Variants in GRB10 observed in about 807,000 individuals in gnomAD.
GRB10 encodes the protein growth factor receptor bound protein 10.
Under a neutral mutation model 80.9 loss-of-function variants are expected in GRB10, and 20 were observed. That is an observed-to-expected ratio of 0.25 (90% CI 0.17 to 0.36). The LOEUF (loss-of-function observed/expected upper bound fraction) is 0.36, where lower values mean the gene tolerates loss of function less well. GRB10 is among the 10% of genes least tolerant of loss of function. The pLI is 1.00. For missense variants in GRB10, 548 were observed against 747.7 expected, an observed-to-expected ratio of 0.73 and a Z score of 3.12; for synonymous variants, 291 against 291.5, an observed-to-expected ratio of 1.00 and a Z score of 0.02.
intron 16 of GRB10, 38 bp downstream of exon 16, chr7:50,604,273 T>C: frequency 1.3e-6 from 2 of 1,562,028 alleles, no homozygotes; most frequent in East Asian, 4.5e-5. Flanking sequence ...TTTGATTTTC[T>C]TTATGTACAA....
chr7:50,652,628 TG>T (rs2058133038), intron 7 of GRB10, among the ~76,000 whole-genome samples: 1 of 151,718 alleles, frequency 6.6e-6, no homozygotes, highest in Non-Finnish European at 1.5e-5. Flanking sequence ...CATTCCAGAG[TG>T]GGAGGAGAAG....
At chr7:50,732,403 G>T (rs999770531) in intron 3 of GRB10, 35 bp from the exon 4 acceptor site, 14 of 914,842 alleles carry the variant, frequency 1.5e-5, no homozygotes, top group Non-Finnish European at 1.8e-5. Flanking sequence ...AGCCAAGCCA[G>T]AAAAAAAAAA....
At chr7:50,668,632 C>T (rs2060052372) in intron 7 of GRB10, among the ~76,000 whole-genome samples, 2 of 152,334 alleles carry the variant, frequency 1.3e-5, no homozygotes, top group Admixed American at 1.3e-4. Flanking sequence ...ATATCCACCA[C>T]TTACGACAAG....
At chr7:50,697,052 T>C (rs757021013) in intron 5 of GRB10, among the ~76,000 whole-genome samples, 3 of 152,232 alleles carry the variant, frequency 2.0e-5, no homozygotes, top group Non-Finnish European at 4.4e-5. Context: ...CGAAGCCAGT[T>C]ACAAAAGGAC....
chr7:50,628,052 G>C (rs1372351409), intron 7 of GRB10, among the ~76,000 whole-genome samples: 5 of 152,188 alleles, frequency 3.3e-5, no homozygotes, highest in African/African-American at 1.2e-4. Flanking sequence ...CCCGGACTTG[G>C]GGGTGAGGAC....
chr7:50,710,691 C>A (rs979967866), intron 4 of GRB10, among the ~76,000 whole-genome samples: 4 of 152,160 alleles, frequency 2.6e-5, no homozygotes, highest in African/African-American at 9.7e-5. Context: ...GATCCCAGGC[C>A]CCCACATGCT....
chr7:50,606,556 G>T, intron 13 of GRB10, 142 bp from the exon 14 acceptor site: 2 of 709,896 alleles, frequency 2.8e-6, no homozygotes, highest in East Asian at 2.7e-5. Context: ...CCTGAGTGCC[G>T]CTGACCCTGA....
intron 5 of GRB10, among the ~76,000 whole-genome samples, chr7:50,689,321 A>C (rs928641382): frequency 6.6e-6 from 1 of 152,242 alleles, no homozygotes; most frequent in Admixed American, 6.5e-5. Context: ...ATTATTTTTC[A>C]GTGCATTTAA....
At chr7:50,677,562 G>C (rs1393679449) in intron 5 of GRB10, among the ~76,000 whole-genome samples, 3 of 152,204 alleles carry the variant, frequency 2.0e-5, no homozygotes, top group Non-Finnish European at 4.4e-5. Flanking sequence ...AGTTATAGTG[G>C]AGACCACGAA....
Position 50,674,464 on chromosome 7 carries a change from A to T in GRB10, c.334T>A (p.Ser112Thr), listed in dbSNP as rs1268628121. Residue 112 changes from serine (S) to threonine (T), a missense_variant, in exon 6 of 19, where the codon TCC becomes ACC. Physicochemically the swap from Ser to Thr is moderately conservative, Grantham distance 58. Around this residue, in one of 4 missense-constraint regions of GRB10, gnomAD observed 245 missense variants for 229.3 expected, o/e 1.07. Coordinates refer to ENST00000401949, the MANE Select transcript of GRB10 (RefSeq NM_001350814.2). The part of the protein sequence containing the change: ...QVSPRQRVQR[S>T]QPVHILAVRR... ...ACAGCGAGGATGTGCACAGGCTGGG[A>T]GCGCTGCACCCTCTGCCTCGGGGAC... The T allele has an allele frequency of 1.2e-6, 2 of 1,606,634 alleles. No homozygotes were observed. Among genetic ancestry groups the T allele is most frequent in the Non-Finnish European group, 1.7e-6 (2 of 1,179,986 alleles).
intron 7 of GRB10, among the ~76,000 whole-genome samples, chr7:50,659,595 C>G (rs1475469703): frequency 4.7e-5 from 3 of 64,178 alleles, no homozygotes; most frequent in African/African-American, 1.8e-4. Flanking sequence ...AGCTAAGCAG[C>G]TGTGCAATAG....
At chr7:50,773,025 T>C (rs1016298097) in intron 2 of GRB10, among the ~76,000 whole-genome samples, 2 of 152,176 alleles carry the variant, frequency 1.3e-5, no homozygotes, top group Non-Finnish European at 2.9e-5. Flanking sequence ...AGAAGTTTAA[T>C]GGACTCATAT....
rs777553621 is a variant in GRB10, at chr7:50,775,161, C to CAAAAAAAAAAAAAAAAAAAAAAAAAAAA, written c.-217+5465_-217+5466insTTTTTTTTTTTTTTTTTTTTTTTTTTTT. 4.8e-4 allele frequency among the ~76,000 whole-genome samples: 15 copies of CAAAAAAAAAAAAAAAAAAAAAAAAAAAA among 31,006 alleles called. 3 individuals are homozygous for CAAAAAAAAAAAAAAAAAAAAAAAAAAAA. The highest frequency in any genetic ancestry group is 9.7e-4 in the Non-Finnish European group (15 of 15,436). 20.3% of individuals were successfully genotyped at this position (31,006 alleles called of 152,430 possible). On this transcript the variant is annotated intron_variant, in intron 2 of 18. Transcript: ENST00000401949. ...GAATGACACAGTGAGATCCTGTCTC[C>CAAAAAAAAAAAAAAAAAAAAAAAAAAAA]AAAAAAAAAAAACAAAAAAAAACAG...
intron 3 of GRB10, among the ~76,000 whole-genome samples, chr7:50,740,240 T>A (rs1003166773): frequency 6.6e-6 from 1 of 152,184 alleles, no homozygotes; most frequent in Non-Finnish European, 1.5e-5. Flanking sequence ...CCCATTCAAG[T>A]GGCACACCAT....
chr7:50,604,545 G>T (rs1446578252), intron 15 of GRB10, among the ~76,000 whole-genome samples, 168 bp from the exon 16 acceptor site: 1 of 152,144 alleles, frequency 6.6e-6, no homozygotes, highest in African/African-American at 2.4e-5. Flanking sequence ...AGAGCTCAGG[G>T]TTCCCAGTTG....
chr7:50,730,853 C>T (rs1040628003), intron 4 of GRB10, among the ~76,000 whole-genome samples: 3 of 152,160 alleles, frequency 2.0e-5, no homozygotes, highest in East Asian at 1.9e-4. Context: ...TATACCCAGC[C>T]GAGGACAGCA....
At chr7:50,654,060 C>T (rs185080322) in intron 7 of GRB10, among the ~76,000 whole-genome samples, 7 of 152,314 alleles carry the variant, frequency 4.6e-5, no homozygotes, top group South Asian at 2.1e-4. Context: ...CCCCCGCCCT[C>T]GGATGACGTT....
At position 50,705,206 on chromosome 7, in the gene GRB10, C is replaced by G. The variant is rs550601279; in HGVS notation, c.52-1298G>C. ...ACGGACCACTCACAATGGGGGGAAG[C>G]AGAGGGTAGCCCAGGGGACAGACTC... On this transcript the variant is annotated intron_variant, in intron 4 of 18. Transcript: ENST00000401949. 14 of 985,700 alleles carry G rather than the reference C, an allele frequency of 1.4e-5. No individual in the cohort carries two copies. The South Asian group carries it at 5.6e-4, about 40-fold the overall frequency. 61.1% of individuals were successfully genotyped at this position (985,700 alleles called of 1,614,324 possible).
intron 8 of GRB10, among the ~76,000 whole-genome samples, chr7:50,624,573 G>A (rs1055782954): frequency 6.6e-6 from 1 of 152,198 alleles, no homozygotes; most frequent in South Asian, 2.1e-4. Flanking sequence ...ATAGGGATGG[G>A]GACACAGAAA....
Sources: allele counts gnomAD v4.1 joint callset (sites outside exome capture counted in the v4.1 genomes callset), GRCh38; gene constraint gnomAD v4.1.1; regional missense constraint gnomAD v4.1.1; transcripts MANE v1.5; gene names NCBI Gene and HGNC (gene_info 2026-07-23, HGNC 2026-07-21).